The following WDR7 variants were observed in gnomAD, a reference collection of about 807,000 sequenced individuals.
WDR7 encodes the protein WD repeat-containing protein 7.
WDR7 carries 46 observed loss-of-function variants against 169.4 expected under a neutral mutation model. That is an observed-to-expected ratio of 0.27 (90% CI 0.21 to 0.35). The LOEUF is 0.35. WDR7 is among the 10% of genes least tolerant of loss of function. WDR7 has a pLI of 1.00. For synonymous variants in WDR7, 612 were observed against 666.8 expected (o/e 0.92, Z 1.27); for missense variants, 1,534 against 1,859.3 (o/e 0.83, Z 3.22).
intron 13 of WDR7, among the ~76,000 whole-genome samples, chr18:56,723,206 C>CT (rs79345820): frequency 0.087 from 12,425 of 143,558 alleles, 616 homozygotes; most frequent in Non-Finnish European, 0.12. Flanking sequence ...TTTTTCTTTC[C>CT]TTTTTTTTTT....
At chr18:56,651,601 A>G (rs2024654505) in intron 1 of WDR7, 25 bp downstream of exon 1, 1 of 152,362 alleles carries the variant, frequency 6.6e-6, no homozygotes, top group African/African-American at 2.4e-5. Flanking sequence ...AAGCTTCTCC[A>G]TGGGAAACCA....
chr18:56,678,932 C>G (rs520034), intron 2 of WDR7, among the ~76,000 whole-genome samples: 139,850 of 152,116 alleles, frequency 0.92, 65,420 homozygotes, highest in East Asian at 1. Flanking sequence ...GTCTCTCTCT[C>G]TGTCTCTGTT....
In WDR7 at chr18:56,762,943, TTTTG is replaced by T. The variant is rs2044001051; in HGVS notation, c.2848+4002_2848+4005del. Among the ~76,000 whole-genome samples the T allele has an allele frequency of 3.9e-5, 6 of 152,044 alleles. No homozygotes were observed. The South Asian group carries it at 1.0e-3, about 26-fold the overall frequency. ...GGGTTGCCTACGAATAAAGTTTTTT[TTTTG>T]TTTGTTTGTTTTTTTGTTTTGTTTT... is the stretch of plus-strand genomic sequence containing the variant. On this transcript the variant is annotated intron_variant, in intron 16 of 27. Transcript: ENST00000254442.
rs117857436 is a variant in WDR7, at chr18:56,967,039, C to A, written c.4164+4510C>A. Among the ~76,000 whole-genome samples, 2 of 151,788 alleles carry A rather than the reference C, an allele frequency of 1.3e-5. 1 individual carries two copies. On this transcript the variant is annotated intron_variant, in intron 26 of 27. Coordinates refer to ENST00000254442, the MANE Select transcript of WDR7 (RefSeq NM_015285.3). ...GTAGTTAGCATTCAGTAAATGTTGG[C>A]GATTATTATATTAAAATAAAATTGG... is the stretch of plus-strand genomic sequence containing the variant.
intron 26 of WDR7, among the ~76,000 whole-genome samples, chr18:57,013,264 T>G (rs2048161665): frequency 6.6e-6 from 1 of 152,192 alleles, no homozygotes; most frequent in Admixed American, 6.5e-5. Context: ...GAGGCTTGCT[T>G]ACCTGTCACC....
chr18:56,892,508 C>T (rs1325259404), intron 21 of WDR7, among the ~76,000 whole-genome samples: 1 of 152,084 alleles, frequency 6.6e-6, no homozygotes, highest in East Asian at 1.9e-4. Flanking sequence ...GTATGTCAAA[C>T]GTGGCCCCAT....
intron 18 of WDR7, among the ~76,000 whole-genome samples, chr18:56,780,657 G>T (rs371209518): frequency 6.6e-6 from 1 of 152,016 alleles, no homozygotes; most frequent in Non-Finnish European, 1.5e-5. Context: ...AAAATTAGCC[G>T]GTCGTGGTGG....
At chr18:56,973,441 T>G (rs1164062035) in intron 26 of WDR7, among the ~76,000 whole-genome samples, 1 of 152,152 alleles carries the variant, frequency 6.6e-6, no homozygotes, top group African/African-American at 2.4e-5. Context: ...TCTTTTTCTC[T>G]TCAACACTAA....
intron 19 of WDR7, among the ~76,000 whole-genome samples, chr18:56,805,935 G>A (rs1019848636): frequency 6.6e-6 from 1 of 152,012 alleles, no homozygotes; most frequent in African/African-American, 2.4e-5. Context: ...CCTGCTACCC[G>A]CTCTGTAGAT....
intron 12 of WDR7, among the ~76,000 whole-genome samples, chr18:56,710,355 A>G (rs1481605007): frequency 6.6e-6 from 1 of 152,116 alleles, no homozygotes. Context: ...CCATTTTATT[A>G]TATCCATGTG....
chr18:56,775,896 C>T (rs1345389215), intron 16 of WDR7, among the ~76,000 whole-genome samples: 2 of 152,104 alleles, frequency 1.3e-5, no homozygotes, highest in African/African-American at 2.4e-5. Context: ...TGTTCAATGA[C>T]AGAAGAAAGG....
intron 26 of WDR7, among the ~76,000 whole-genome samples, chr18:57,015,937 A>G (rs2048199600): frequency 6.6e-6 from 1 of 152,200 alleles, no homozygotes; most frequent in Admixed American, 6.5e-5. Context: ...CACTTCATTC[A>G]GGCTCACCCT....
intron 19 of WDR7, among the ~76,000 whole-genome samples, chr18:56,814,361 A>C (rs10469128): frequency 6.6e-6 from 1 of 152,002 alleles, no homozygotes; most frequent in African/African-American, 2.4e-5. Context: ...GGAGACTCAG[A>C]TATTTCAAAG....
In WDR7 at chr18:56,924,125, G is replaced by A. The variant is rs367554770; in HGVS notation, c.3713+17G>A. The A allele has an allele frequency of 1.3e-5, 21 of 1,606,212 alleles. No homozygotes were observed. In the African/African-American group the frequency reaches 2.4e-4, roughly 18 times the overall value. The stretch of plus-strand genomic sequence containing the variant: ...ACTTGCCAAGTATGTGTGGATTCCG[G>A]TTAATTTAATTTGTCACTGTTTTTT... On this transcript the variant is annotated intron_variant, in intron 22 of 27. Coordinates refer to ENST00000254442, the MANE Select transcript of WDR7 (RefSeq NM_015285.3).
chr18:56,852,854 A>T (rs962072012), intron 20 of WDR7, among the ~76,000 whole-genome samples: 3 of 152,176 alleles, frequency 2.0e-5, no homozygotes, highest in Non-Finnish European at 4.4e-5. Flanking sequence ...GCTCCAACTA[A>T]ATAGGTACTT....
rs548031750 is a variant in WDR7, at chr18:56,866,937, A to C, written c.3305-13007A>C. 2.0e-5 allele frequency among the ~76,000 whole-genome samples: 3 copies of C among 152,338 alleles called. No homozygotes were observed. In the South Asian group the frequency reaches 6.2e-4, roughly 32 times the overall value. On this transcript the variant is annotated intron_variant, in intron 20 of 27. Transcript: ENST00000254442. ...TACACTCATTTGATCTTTACAAATT[A>C]CATGAATGTATTAAATTACCACATA...
At chr18:56,895,809 A>T (rs979731243) in intron 21 of WDR7, among the ~76,000 whole-genome samples, 8 of 151,896 alleles carry the variant, frequency 5.3e-5, no homozygotes, top group African/African-American at 1.9e-4. Context: ...CATTTCTTGG[A>T]TGGGTGATTC....
intron 25 of WDR7, among the ~76,000 whole-genome samples, chr18:56,944,276 G>A (rs996921686): frequency 1.3e-5 from 2 of 152,114 alleles, no homozygotes; most frequent in South Asian, 4.2e-4. Context: ...ATAGGCGTGA[G>A]CCACTGCGCC....
chr18:56,923,259 T>C (rs1233630931), intron 21 of WDR7, among the ~76,000 whole-genome samples: 1 of 152,238 alleles, frequency 6.6e-6, no homozygotes, highest in African/African-American at 2.4e-5. Flanking sequence ...ATTGTCAGCA[T>C]CATCGTCAAC....
Sources: gnomAD v4.1 joint callset for allele counts (sites outside exome capture counted in the v4.1 genomes callset) on GRCh38, gnomAD v4.1.1 for gene constraint, MANE v1.5 for transcripts, NCBI Gene and HGNC (gene_info 2026-07-23, HGNC 2026-07-21) for gene names.